The following AGBL1 variants were observed in gnomAD, a reference collection of about 807,000 sequenced individuals.
AGBL1 encodes the protein AGBL carboxypeptidase 1.
AGBL1 carries 130 observed loss-of-function variants against 118.9 expected under a neutral mutation model. The observed-to-expected ratio is 1.09, with a 90% CI of 0.95 to 1.26. The LOEUF is 1.26. Ranked by LOEUF, AGBL1 falls within the 50% of genes most tolerant of loss-of-function variation. The probability of loss-of-function intolerance (pLI) is 0.00; values close to 1 mark genes in which losing one functional copy is unlikely to be tolerated. For missense variants in AGBL1, 1,584 were observed against 1,298.1 expected (o/e 1.22, Z -3.38); for synonymous variants, 555 against 478.9 (o/e 1.16, Z -2.08).
intron 1 of AGBL1, chr15:86,138,240 G>A (rs2076915653): frequency 6.6e-6 from 1 of 152,226 alleles, no homozygotes; most frequent in Non-Finnish European, 1.5e-5. Context: ...AACACACAGG[G>A]CTACATCACA....
intron 6 of AGBL1, among the ~76,000 whole-genome samples, chr15:86,247,357 C>G (rs1223256360): frequency 6.6e-6 from 1 of 151,760 alleles, no homozygotes; most frequent in Admixed American, 6.6e-5. Flanking sequence ...TATTTTGTAG[C>G]ATGTCCTTCA....
chr15:86,279,807 CT>C (rs775440213), intron 16 of AGBL1, 24 bp downstream of exon 16: 1 of 1,611,962 alleles, frequency 6.2e-7, no homozygotes, highest in Non-Finnish European at 8.5e-7. Flanking sequence ...TATAGCATCA[CT>C]CCAGCAGGAC....
chr15:86,311,302 T>C (rs1004153133), intron 17 of AGBL1, among the ~76,000 whole-genome samples: 1 of 152,216 alleles, frequency 6.6e-6, no homozygotes, highest in Non-Finnish European at 1.5e-5. Flanking sequence ...ATGGAAGTTC[T>C]TACCCCCTTG....
chr15:86,287,456 T>C (rs2079472407), intron 16 of AGBL1, among the ~76,000 whole-genome samples: 1 of 152,212 alleles, frequency 6.6e-6, no homozygotes, highest in Non-Finnish European at 1.5e-5. Context: ...TTTTTCCTTA[T>C]GTTTTCATCT....
intron 24 of AGBL1, among the ~76,000 whole-genome samples, chr15:87,009,307 G>A: frequency 6.6e-6 from 1 of 152,064 alleles, no homozygotes; most frequent in East Asian, 1.9e-4. Flanking sequence ...TCTTCAGAGG[G>A]TGAAAGCCCC....
At chr15:86,921,729 G>A (rs912640497) in intron 23 of AGBL1, among the ~76,000 whole-genome samples, 4 of 152,164 alleles carry the variant, frequency 2.6e-5, no homozygotes, top group African/African-American at 9.7e-5. Flanking sequence ...GGATCAGACT[G>A]TCTGTGGCCA....
intron 22 of AGBL1, among the ~76,000 whole-genome samples, chr15:86,752,166 C>T (rs955645804): frequency 8.6e-5 from 13 of 151,988 alleles, no homozygotes; most frequent in Admixed American, 7.2e-4. Context: ...GTTTGTGTGC[C>T]GTGATGCCAG....
At chr15:86,516,990 A>G (rs1182143952) in intron 18 of AGBL1, among the ~76,000 whole-genome samples, 1 of 152,212 alleles carries the variant, frequency 6.6e-6, no homozygotes, top group East Asian at 1.9e-4. Flanking sequence ...ATATTATGAA[A>G]TCAGACTAGT....
chr15:86,194,889 A>C (rs72752111), intron 5 of AGBL1, among the ~76,000 whole-genome samples: 5,046 of 152,284 alleles, frequency 0.033, 134 homozygotes, highest in Non-Finnish European at 0.047. Flanking sequence ...ATATTTCTAC[A>C]ATTTGTCATT....
intron 21 of AGBL1, among the ~76,000 whole-genome samples, chr15:86,641,775 A>G (rs542533069): frequency 7.9e-5 from 12 of 152,232 alleles, no homozygotes. Flanking sequence ...AGACCTAAAA[A>G]AACCCCACAG....
intron 18 of AGBL1, among the ~76,000 whole-genome samples, chr15:86,503,254 CT>C (rs1426617872): frequency 6.6e-6 from 1 of 151,396 alleles, no homozygotes; most frequent in Non-Finnish European, 1.5e-5. Flanking sequence ...CGTAGTATTT[CT>C]TTACAGCCTC....
At chr15:86,963,685 G>C (rs1336024173) in intron 23 of AGBL1, among the ~76,000 whole-genome samples, 1 of 151,976 alleles carries the variant, frequency 6.6e-6, no homozygotes, top group African/African-American at 2.4e-5. Flanking sequence ...CTGTAGGTTA[G>C]AGGGTGGAGT....
chr15:86,295,344 G>T lies in AGBL1; in HGVS notation c.2310G>T (p.Pro770=), dbSNP rs370011208. Reference sequence around the variant, plus strand: ...TCTGCCAGACGCTGGGAGGGAATCCGTGTCCCTTGGTGACCATCACGGCCA... The same window carrying T: ...TCTGCCAGACGCTGGGAGGGAATCCTTGTCCCTTGGTGACCATCACGGCCA... ...DVLCQTLGGN[P]CPLVTITAMP... The change falls in exon 17 of 23, where the codon CCG becomes CCT. Residue 770 remains proline (P), a synonymous_variant. Transcript: ENST00000614907. 1.2e-6 allele frequency: 2 copies of T among 1,612,498 alleles called. No individual in the cohort carries two copies. Among genetic ancestry groups the T allele is most frequent in the Admixed American group, 1.7e-5 (1 of 59,854 alleles).
At chr15:86,535,250 C>T (rs1352206191) in intron 19 of AGBL1, among the ~76,000 whole-genome samples, 5 of 152,174 alleles carry the variant, frequency 3.3e-5, no homozygotes, top group African/African-American at 4.8e-5. Context: ...CCCAAAGAAG[C>T]GGACAAGCTC....
At chr15:86,222,814 T>C (rs997666405) in intron 5 of AGBL1, among the ~76,000 whole-genome samples, 2 of 152,216 alleles carry the variant, frequency 1.3e-5, no homozygotes, top group African/African-American at 4.8e-5. Flanking sequence ...TATTAGGTAC[T>C]TTCTAGAGAG....
intron 5 of AGBL1, among the ~76,000 whole-genome samples, chr15:86,193,136 T>C (rs1437405375): frequency 6.6e-6 from 1 of 152,136 alleles, no homozygotes; most frequent in Non-Finnish European, 1.5e-5. Context: ...AAAAGAATCT[T>C]TGGGAACCCT....
chr15:86,676,016 T>C (rs553843810), intron 22 of AGBL1, among the ~76,000 whole-genome samples: 2 of 152,270 alleles, frequency 1.3e-5, no homozygotes, highest in East Asian at 3.9e-4. Flanking sequence ...TATAAGGAGA[T>C]AGTATTATTT....
chr15:86,967,591 C>T (rs532794008), intron 23 of AGBL1, among the ~76,000 whole-genome samples: 3 of 152,162 alleles, frequency 2.0e-5, no homozygotes, highest in Admixed American at 1.3e-4. Flanking sequence ...GAATCGTTTC[C>T]CCATTTCTTC....
In AGBL1 at chr15:86,615,748, A is replaced by C. The variant is rs1185007651; in HGVS notation, c.2995-58525A>C. Among the ~76,000 whole-genome samples, 2 of 152,210 alleles carry C rather than the reference A, an allele frequency of 1.3e-5. No individual in the cohort carries two copies. Among genetic ancestry groups the C allele is most frequent in the East Asian group, 1.9e-4 (1 of 5,190 alleles). ...ACAGAGTTAGAAATGTGAGTTTTAT[A>C]TTGTGGACAGAGGTTAAAAAATAGA... On this transcript the variant is annotated intron_variant, in intron 21 of 22. Coordinates refer to ENST00000614907, the MANE Select transcript of AGBL1 (RefSeq NM_001386094.1). The surrounding 1 kb of genome is among the most constrained non-coding windows in gnomAD (Gnocchi z 4.3).
Sources: allele counts gnomAD v4.1 joint callset (sites outside exome capture counted in the v4.1 genomes callset), GRCh38; gene constraint gnomAD v4.1.1; non-coding constraint Gnocchi (gnomAD v3.1); transcripts MANE v1.5; gene names NCBI Gene and HGNC (gene_info 2026-07-23, HGNC 2026-07-21).